Variants in KIAA0319 observed in about 807,000 individuals in gnomAD.
KIAA0319 encodes the protein KIAA0319, also known as dyslexia-associated protein KIAA0319.
Under a neutral mutation model 108.4 loss-of-function variants are expected in KIAA0319, and 83 were observed. The ratio of observed to expected loss-of-function variants is 0.77; its 90% confidence interval spans 0.64 to 0.92. The LOEUF (loss-of-function observed/expected upper bound fraction) is 0.92, where lower values mean the gene tolerates loss of function less well. Among genes scored for constraint, KIAA0319 ranks in the 40% least tolerant of loss-of-function variants. KIAA0319 has a pLI of 0.00. For missense variants in KIAA0319, 1,195 were observed against 1,322.4 expected (o/e 0.90, Z 1.49); for synonymous variants, 484 against 510.4 (o/e 0.95, Z 0.70).
intron 1 of KIAA0319, among the ~76,000 whole-genome samples, chr6:24,615,137 C>CT (rs1772974105): frequency 6.6e-6 from 1 of 152,132 alleles, no homozygotes; most frequent in East Asian, 1.9e-4. Context: ...CATTATACAG[C>CT]TTTTTTACTT....
At chr6:24,589,476 CA>C (rs1262049102) in intron 3 of KIAA0319, among the ~76,000 whole-genome samples, 4 of 152,146 alleles carry the variant, frequency 2.6e-5, no homozygotes, top group Admixed American at 2.6e-4. Flanking sequence ...CCCCACGTGT[CA>C]AGGGAGAGAC....
At chr6:24,551,306 T>C in intron 20 of KIAA0319, 128 bp downstream of exon 20, 1 of 688,922 alleles carries the variant, frequency 1.5e-6, no homozygotes, top group Non-Finnish European at 2.6e-6. Context: ...AATCCCAGCC[T>C]CACTCTTCCT....
At chr6:24,583,795 T>G in intron 4 of KIAA0319, 93 bp from the exon 5 acceptor site, 2 of 774,994 alleles carry the variant, frequency 2.6e-6, no homozygotes, top group East Asian at 2.7e-5. Context: ...ATCCATAAAT[T>G]AAAATAACAT....
intron 4 of KIAA0319, among the ~76,000 whole-genome samples, chr6:24,586,309 TTTTGTTTG>T (rs148960150): frequency 2.0e-5 from 3 of 152,036 alleles, no homozygotes; most frequent in African/African-American, 4.8e-5. Context: ...GAGCTGTGTT[TTTTGTTTG>T]TTTGTTTGTT....
rs765145488 is a variant in KIAA0319 at position 24,583,708 on chromosome 6, A to C, written c.995-6T>G. ...CGATACCGTAAGTTCTTTCACTAAA[A>C]GTTAATTAGAAATAATACGTGCAAT... On this transcript the variant is annotated splice_polypyrimidine_tract_variant and splice_region_variant and intron_variant, in intron 4 of 20. Transcript: ENST00000378214. 1 of 1,549,050 alleles carries C rather than the reference A, an allele frequency of 6.5e-7. No homozygotes were observed. Among genetic ancestry groups the C allele is most frequent in the South Asian group, 1.1e-5 (1 of 89,566 alleles).
intron 1 of KIAA0319, among the ~76,000 whole-genome samples, chr6:24,608,834 G>A (rs1186743667): frequency 1.3e-5 from 2 of 148,740 alleles, no homozygotes; most frequent in African/African-American, 5.0e-5. Flanking sequence ...GGGAGGCTGA[G>A]GCAGGAGAAT....
In KIAA0319 at chr6:24,554,377, G is replaced by A. The variant is rs749572480; in HGVS notation, c.2948+164C>T. Among the ~76,000 whole-genome samples the A allele has an allele frequency of 4.6e-5, 7 of 152,198 alleles. No homozygotes were observed. Among genetic ancestry groups the A allele is most frequent in the Non-Finnish European group, 8.8e-5 (6 of 68,034 alleles). The stretch of plus-strand genomic sequence containing the variant: ...ACAAGAGCTGCAATGAGAAAAAGCT[G>A]CCTCTAATATTCCATTTATTTAGGC... On this transcript the variant is annotated intron_variant, in intron 19 of 20. Transcript: ENST00000378214.
At position 24,596,612 on chromosome 6, in the gene KIAA0319, G is replaced by A; in HGVS notation, c.62C>T (p.Ala21Val). ...LLLLVTIAGC[A>V]RKQCSEGRTY... ...CCTCCCCTCGCTGCACTGCTTACGG[G>A]CACAACCTTTAAACAAAGTAGTTTC... Residue 21 changes from alanine (A) to valine (V), a missense_variant, in exon 3 of 21, where the codon GCC (alanine) becomes GTC (valine). Physicochemically the swap from Ala to Val is moderately conservative, Grantham distance 64. Transcript: ENST00000378214. 1.2e-6 allele frequency: 2 copies of A among 1,601,914 alleles called. No homozygotes were observed. Among genetic ancestry groups the A allele is most frequent in the African/African-American group, 1.3e-5 (1 of 74,852 alleles).
rs1414815282 is a variant in KIAA0319, at chr6:24,608,938, A to AAAG, written c.-105-7731_-105-7730insCTT. ...AGAGGGAGACTCCGTCTCAAAAAAA[A>AAAG]AAAAAAAAAAAAAAAAAAAGGCATG... On this transcript the variant is annotated intron_variant, in intron 1 of 20. Transcript: ENST00000378214. Among the ~76,000 whole-genome samples the AAAG allele has an allele frequency of 2.1e-5, 3 of 144,832 alleles. No homozygotes were observed. The East Asian group carries it at 6.0e-4, about 29-fold the overall frequency.
In KIAA0319 at chr6:24,559,104, T is replaced by A. The variant is rs1165632560; in HGVS notation, c.2643A>T (p.Lys881Asn). ...GCAGATTTCGGGCCACTTCAGCAGC[T>A]TTGAGAACCTTGAAAGGCGGCCTGC... is the stretch of plus-strand genomic sequence containing the variant. ...VQSRPPFKVL[K>N]AAEVARNLHM... The change falls in exon 17 of 21, where the codon AAA becomes AAT. Residue 881 changes from lysine (K) to asparagine (N), a missense_variant. Transcript: ENST00000378214. The A allele has an allele frequency of 1.2e-6, 2 of 1,613,832 alleles. No homozygotes were observed. The highest frequency in any genetic ancestry group is 1.7e-6 in the Non-Finnish European group (2 of 1,180,026).
chr6:24,620,750 G>A (rs1358650834), intron 1 of KIAA0319, among the ~76,000 whole-genome samples: 2 of 152,170 alleles, frequency 1.3e-5, no homozygotes, highest in South Asian at 4.1e-4. Flanking sequence ...CTGGAGGCTT[G>A]AAGGGAGTAT....
At position 24,583,712 on chromosome 6, in the gene KIAA0319, A is replaced by T; in HGVS notation, c.995-10T>A. 3 of 1,479,286 alleles carry T rather than the reference A, an allele frequency of 2.0e-6. No individual in the cohort carries two copies. The highest frequency in any genetic ancestry group is 2.8e-6 in the Non-Finnish European group (3 of 1,057,510). The allele number at this position is 1,479,286 out of a possible 1,614,324, so 91.6% of individuals were successfully genotyped here. A position where few individuals can be genotyped will look rare whatever the true frequency, so the allele number is the denominator to read the frequency against. On this transcript the variant is annotated splice_polypyrimidine_tract_variant and intron_variant, in intron 4 of 20. Coordinates refer to ENST00000378214, the MANE Select transcript of KIAA0319 (RefSeq NM_014809.4). Reference sequence around the variant, plus strand: ...ACCGTAAGTTCTTTCACTAAAAGTTAATTAGAAATAATACGTGCAATTATA... The same window carrying T: ...ACCGTAAGTTCTTTCACTAAAAGTTTATTAGAAATAATACGTGCAATTATA...
chr6:24,550,938 C>T (rs1191071746), intron 20 of KIAA0319, among the ~76,000 whole-genome samples: 1 of 152,066 alleles, frequency 6.6e-6, no homozygotes, highest in Non-Finnish European at 1.5e-5. Flanking sequence ...CCTTCTGCCC[C>T]CACCCCCGCA....
At chr6:24,585,486 GA>G (rs1184428721) in intron 4 of KIAA0319, among the ~76,000 whole-genome samples, 1 of 152,048 alleles carries the variant, frequency 6.6e-6, no homozygotes, top group African/African-American at 2.4e-5. Context: ...GGGGGTGGGG[GA>G]AAGAGCTCAG....
intron 1 of KIAA0319, among the ~76,000 whole-genome samples, chr6:24,607,742 G>T (rs1386702648): frequency 1.3e-5 from 2 of 151,972 alleles, no homozygotes; most frequent in African/African-American, 2.4e-5. Context: ...ATACTTCCAG[G>T]TTTTACTTAT....
chr6:24,546,956 T>A lies in KIAA0319; in HGVS notation c.*209A>T, dbSNP rs994277346. Reference sequence around the variant, plus strand: ...TATACCTTAGAGTTTTACCCAGCCTTTATTTCTATTAACAAGCATCTCAGT... The same window carrying A: ...TATACCTTAGAGTTTTACCCAGCCTATATTTCTATTAACAAGCATCTCAGT... On this transcript the variant is annotated 3_prime_UTR_variant, in exon 21 of 21. Coordinates refer to ENST00000378214, the MANE Select transcript of KIAA0319 (RefSeq NM_014809.4). The A allele has an allele frequency of 3.8e-6, 2 of 521,452 alleles. No homozygotes were observed. The highest frequency in any genetic ancestry group is 3.2e-5 in the East Asian group (1 of 31,204). The allele number at this position is 521,452 out of a possible 1,614,324, so 32.3% of individuals were successfully genotyped here. A position where few individuals can be genotyped will look rare whatever the true frequency, so the allele number is the denominator to read the frequency against.
At chr6:24,595,569 A>C (rs930473997) in intron 3 of KIAA0319, among the ~76,000 whole-genome samples, 1 of 151,284 alleles carries the variant, frequency 6.6e-6, no homozygotes, top group Non-Finnish European at 1.5e-5. Context: ...AAAAAAAAAA[A>C]ACGCTACAGG....
In KIAA0319 at chr6:24,582,659, T is replaced by TAAA. The variant is rs3840134; in HGVS notation, c.1094-316_1094-314dup. ...AGGAAATTTTTAAAATGTATAAAGTTAAAAAAAAAAAAACCTCCCTAACTT... is the reference window on the plus strand; with the variant it reads ...AGGAAATTTTTAAAATGTATAAAGTTAAAAAAAAAAAAAAAACCTCCCTAACTT... On this transcript the variant is annotated intron_variant, in intron 5 of 20. Coordinates refer to ENST00000378214, the MANE Select transcript of KIAA0319 (RefSeq NM_014809.4). 1.6e-3 allele frequency among the ~76,000 whole-genome samples: 237 copies of TAAA among 144,070 alleles called. 1 individual carries two copies. Among genetic ancestry groups the TAAA allele is most frequent in the Middle Eastern group, 7.5e-3 (2 of 268 alleles). The allele number at this position is 144,070 out of a possible 152,430, so 94.5% of individuals were successfully genotyped here. A position where few individuals can be genotyped will look rare whatever the true frequency, so the allele number is the denominator to read the frequency against.
chr6:24,645,884 C>T lies in KIAA0319; in HGVS notation c.-254G>A, dbSNP rs1176867069. The T allele has an allele frequency of 6.5e-6, 1 of 153,304 alleles. No homozygotes were observed. Among genetic ancestry groups the T allele is most frequent in the Non-Finnish European group, 1.4e-5 (1 of 69,678 alleles). 9.5% of individuals were successfully genotyped at this position (153,304 alleles called of 1,614,324 possible). ...ACACACACACACACACACACACACA[C>T]ACACGTTCACACCCTCGCGCGCGCA... On this transcript the variant is annotated 5_prime_UTR_variant, in exon 1 of 21. In the 5' UTR this introduces an upstream ATG that the reference lacks. Transcript: ENST00000378214.
Sources: gnomAD v4.1 joint callset for allele counts (sites outside exome capture counted in the v4.1 genomes callset) on GRCh38, gnomAD v4.1.1 for gene constraint, MANE v1.5 for transcripts, NCBI Gene and HGNC (gene_info 2026-07-23, HGNC 2026-07-21) for gene names.